The following CMIP variants were observed in gnomAD, a reference collection of about 807,000 sequenced individuals.
CMIP encodes c-Maf inducing protein.
A neutral mutation model predicts 97.3 loss-of-function variants in CMIP; 13 were observed. The observed-to-expected ratio is 0.13, with a 90% CI of 0.09 to 0.21. The LOEUF is 0.21. CMIP is among the 10% of genes least tolerant of loss of function. The pLI is 1.00. For synonymous variants in CMIP, 538 were observed against 436.3 expected, an observed-to-expected ratio of 1.23 and a Z score of -2.91; for missense variants, 847 against 1,024.9, an observed-to-expected ratio of 0.83 and a Z score of 2.37.
At chr16:81,454,543 T>A (rs556971715) in intron 1 of CMIP, among the ~76,000 whole-genome samples, 3 of 152,236 alleles carry the variant, frequency 2.0e-5, no homozygotes, top group African/African-American at 4.8e-5. Flanking sequence ...TGTGGGAAAT[T>A]GAATGCCAGC....
Position 81,445,144 on chromosome 16 carries a change from G to T in CMIP, c.-98G>T, listed in dbSNP as rs1214592335. 1 of 643,750 alleles carries T rather than the reference G, an allele frequency of 1.6e-6. No homozygotes were observed. The highest frequency in any genetic ancestry group is 2.3e-6 in the Non-Finnish European group (1 of 428,328). The allele number at this position is 643,750 out of a possible 1,614,324, so 39.9% of individuals were successfully genotyped here. On this transcript the variant is annotated 5_prime_UTR_variant, in exon 1 of 21. Coordinates refer to ENST00000537098, the MANE Select transcript of CMIP (RefSeq NM_198390.3). ...CCACACCCCCCCACCTTCCCGGGGGGTGGGGGGGTGCGGGCCGCCGGATCC... is the reference window on the plus strand; with the variant it reads ...CCACACCCCCCCACCTTCCCGGGGGTTGGGGGGGTGCGGGCCGCCGGATCC...
At chr16:81,630,026 T>C (rs559842877) in intron 3 of CMIP, among the ~76,000 whole-genome samples, 1 of 152,262 alleles carries the variant, frequency 6.6e-6, no homozygotes, top group Non-Finnish European at 1.5e-5. Context: ...AATAATACTT[T>C]CTGCAGCGCT....
Position 81,709,914 on chromosome 16 carries a change from A to T in CMIP, c.*115A>T, listed in dbSNP as rs1007199114. 5.4e-5 allele frequency: 11 copies of T among 202,560 alleles called. No individual in the cohort carries two copies. In the East Asian group the frequency reaches 2.1e-3, roughly 39 times the overall value. The allele number at this position is 202,560 out of a possible 1,614,324, so 12.5% of individuals were successfully genotyped here. ...CCCTGGTGCCCTGGCTGTGAGATAG[A>T]TGGGGAGTCTTTCTGGGGGCGGAGG... On this transcript the variant is annotated 3_prime_UTR_variant, in exon 21 of 21. Transcript: ENST00000537098.
intron 20 of CMIP, among the ~76,000 whole-genome samples, chr16:81,707,961 A>C (rs1417886282): frequency 6.6e-6 from 1 of 152,252 alleles, no homozygotes; most frequent in East Asian, 1.9e-4. Flanking sequence ...CCCACCTCCT[A>C]CAGCCAGGCC....
chr16:81,505,138 T>C (rs1422561394), intron 1 of CMIP, among the ~76,000 whole-genome samples: 2 of 152,224 alleles, frequency 1.3e-5, no homozygotes, highest in Non-Finnish European at 2.9e-5. Context: ...AGGGCCCGTC[T>C]CAACATGTGC....
chr16:81,516,417 C>G (rs2089914711), intron 1 of CMIP, among the ~76,000 whole-genome samples: 1 of 152,224 alleles, frequency 6.6e-6, no homozygotes. Flanking sequence ...TAAAGGAGCT[C>G]TACTTCGGTT....
At chr16:81,697,204 G>A (rs7186510) in intron 14 of CMIP, 68,269 of 162,752 alleles carry the variant, frequency 0.42, 14,626 homozygotes, top group Non-Finnish European at 0.45. Flanking sequence ...CACTGTATCC[G>A]GCACTTCATA....
chr16:81,446,039 G>A (rs1040365859), intron 1 of CMIP, among the ~76,000 whole-genome samples: 10 of 151,972 alleles, frequency 6.6e-5, no homozygotes, highest in Non-Finnish European at 1.2e-4. Context: ...CAGTTTCTCT[G>A]TTTGGTTTAC....
At chr16:81,624,129 GA>G (rs5818342) in intron 3 of CMIP, among the ~76,000 whole-genome samples, 66,937 of 143,562 alleles carry the variant, frequency 0.47, 15,362 homozygotes, top group East Asian at 0.58. Context: ...GTCTTTAACT[GA>G]AAAAAAAAAA....
intron 1 of CMIP, among the ~76,000 whole-genome samples, chr16:81,528,825 C>A (rs2090179467): frequency 1.3e-5 from 2 of 152,210 alleles, no homozygotes; most frequent in South Asian, 4.1e-4. Flanking sequence ...CCATCATCAT[C>A]TATCTCCTTG....
intron 18 of CMIP, 136 bp downstream of exon 18, chr16:81,704,221 CCCTCCT>C: frequency 1.8e-6 from 1 of 566,884 alleles, no homozygotes; most frequent in Non-Finnish European, 3.1e-6. Context: ...TGCCCCCTCC[CCCTCCT>C]CCCTGCCCCC....
intron 1 of CMIP, among the ~76,000 whole-genome samples, chr16:81,568,039 G>GTGTGGT (rs10629229): frequency 4.8e-5 from 4 of 82,546 alleles, no homozygotes; most frequent in Admixed American, 2.7e-4. Flanking sequence ...GTGTGTGTGT[G>GTGTGGT]TTTTTTTTTT....
At chr16:81,481,939 C>T (rs142996157) in intron 1 of CMIP, among the ~76,000 whole-genome samples, 9 of 148,934 alleles carry the variant, frequency 6.0e-5, no homozygotes, top group South Asian at 2.1e-4. Context: ...AGTGCAGTGG[C>T]GCAATCTTGG....
At chr16:81,492,716 C>G (rs2089424593) in intron 1 of CMIP, among the ~76,000 whole-genome samples, 1 of 151,882 alleles carries the variant, frequency 6.6e-6, no homozygotes, top group African/African-American at 2.4e-5. Flanking sequence ...GAAACAAAGA[C>G]AAAGGCTGGC....
chr16:81,594,985 G>A (rs968482996), intron 1 of CMIP, among the ~76,000 whole-genome samples: 3 of 151,388 alleles, frequency 2.0e-5, no homozygotes, highest in African/African-American at 7.3e-5. Context: ...ATTAACAGCA[G>A]CAATTTAAAA....
At chr16:81,625,855 A>G (rs2092053991) in intron 3 of CMIP, among the ~76,000 whole-genome samples, 1 of 152,198 alleles carries the variant, frequency 6.6e-6, no homozygotes, top group African/African-American at 2.4e-5. Flanking sequence ...AGTCCTGGAA[A>G]CCAAGATGGT....
At chr16:81,612,751 C>G (rs1204087659) in intron 2 of CMIP, among the ~76,000 whole-genome samples, 1 of 152,180 alleles carries the variant, frequency 6.6e-6, no homozygotes, top group Non-Finnish European at 1.5e-5. Context: ...AACCAGCTGC[C>G]CGCAGGCTTC....
At chr16:81,553,118 C>A (rs1364000843) in intron 1 of CMIP, among the ~76,000 whole-genome samples, 1 of 152,168 alleles carries the variant, frequency 6.6e-6, no homozygotes, top group Non-Finnish European at 1.5e-5. Context: ...GCACCCAGGG[C>A]CTGAGTCTCT....
chr16:81,615,855 G>A (rs996983529), intron 2 of CMIP, among the ~76,000 whole-genome samples: 2 of 152,076 alleles, frequency 1.3e-5, no homozygotes, highest in African/African-American at 2.4e-5. Context: ...CCTGAATCAG[G>A]TGATCTTTAA....
Sources: allele counts gnomAD v4.1 joint callset (sites outside exome capture counted in the v4.1 genomes callset), GRCh38; gene constraint gnomAD v4.1.1; transcripts MANE v1.5; gene names NCBI Gene and HGNC (gene_info 2026-07-23, HGNC 2026-07-21).